Variants in SDHC observed in about 807,000 individuals in gnomAD.
SDHC encodes succinate dehydrogenase complex subunit C, also known as succinate dehydrogenase cytochrome b560 subunit, mitochondrial.
In SDHC, 11 loss-of-function variants were observed where a neutral mutation model predicts 22.6. The observed-to-expected ratio is 0.49, with a 90% confidence interval of 0.31 to 0.81. SDHC has a LOEUF of 0.81. Ranked by LOEUF, SDHC falls within the 30% of genes least tolerant of loss-of-function variation. The probability of loss-of-function intolerance (pLI) is 0.05; values close to 1 mark genes in which losing one functional copy is unlikely to be tolerated. For missense variants in SDHC, 160 were observed against 212.0 expected (o/e 0.75, Z 1.52); for synonymous variants, 80 against 77.8 (o/e 1.03, Z -0.15).
At chr1:161,318,189 A>T (rs956685082) in intron 1 of SDHC, among the ~76,000 whole-genome samples, 4 of 151,754 alleles carry the variant, frequency 2.6e-5, no homozygotes, top group African/African-American at 9.7e-5. Flanking sequence ...AAAAAATTGT[A>T]CTGTGTTATA....
rs541786455 is a variant in SDHC at position 161,342,783 on chromosome 1, C to T, written c.241+2128C>T. On this transcript the variant is annotated intron_variant, in intron 4 of 5. Transcript: ENST00000367975. Reference sequence around the variant, plus strand: ...GTGCTGGGGTTACAGGCGTGAGCCACTGTGCCTGGCCCCTTGGTATATCTT... The same window carrying T: ...GTGCTGGGGTTACAGGCGTGAGCCATTGTGCCTGGCCCCTTGGTATATCTT... Among the ~76,000 whole-genome samples, 4 of 152,306 alleles carry T rather than the reference C, an allele frequency of 2.6e-5. No homozygotes were observed. In the East Asian group the frequency reaches 7.7e-4, roughly 29 times the overall value.
chr1:161,326,208 A>T (rs1671039906), intron 2 of SDHC, among the ~76,000 whole-genome samples: 1 of 151,766 alleles, frequency 6.6e-6, no homozygotes, highest in Non-Finnish European at 1.5e-5. Context: ...CTCAAATTAA[A>T]AAAAAAAAAA....
chr1:161,317,550 G>GGTTT (rs1558161065), intron 1 of SDHC, among the ~76,000 whole-genome samples: 1 of 59,898 alleles, frequency 1.7e-5, no homozygotes, highest in African/African-American at 9.9e-5. Flanking sequence ...TGTGTGTGTG[G>GGTTT]TTTTTTTTTT....
chr1:161,335,904 T>G (rs1010069931), intron 3 of SDHC, among the ~76,000 whole-genome samples: 1 of 152,176 alleles, frequency 6.6e-6, no homozygotes, highest in Non-Finnish European at 1.5e-5. Flanking sequence ...TGAAGATAAG[T>G]CCCTGTAAAT....
intron 2 of SDHC, among the ~76,000 whole-genome samples, chr1:161,325,868 G>A (rs1671028402): frequency 6.6e-6 from 1 of 152,168 alleles, no homozygotes. Flanking sequence ...AAGAAGTTGT[G>A]CTTTCATTGC....
chr1:161,339,421 A>G (rs1174173536), intron 3 of SDHC: 12 of 278,836 alleles, frequency 4.3e-5, no homozygotes, highest in Non-Finnish European at 7.3e-5. Flanking sequence ...CCTGAACTCA[A>G]CGGCCCCCGC....
intron 1 of SDHC, among the ~76,000 whole-genome samples, chr1:161,321,115 G>A (rs1020712545): frequency 5.9e-5 from 9 of 152,236 alleles, no homozygotes; most frequent in Middle Eastern, 3.4e-3. Flanking sequence ...GTGAGCCATC[G>A]CGCCCGGCCC....
intron 1 of SDHC, 141 bp downstream of exon 1, chr1:161,314,566 C>T (rs1670530972): frequency 2.1e-6 from 2 of 960,140 alleles, no homozygotes; most frequent in Non-Finnish European, 3.3e-6. Context: ...GCTCGGGGAT[C>T]CTAGAGACCC....
intron 4 of SDHC, among the ~76,000 whole-genome samples, chr1:161,352,908 C>T (rs1421660848): frequency 1.3e-5 from 2 of 151,870 alleles, no homozygotes; most frequent in Admixed American, 6.6e-5. Context: ...ACCTGGGAGG[C>T]GGAGGTTGCA....
Position 161,340,675 on chromosome 1 carries a change from C to A in SDHC, c.241+20C>A, listed in dbSNP as rs777816269. The A allele has an allele frequency of 1.9e-6, 3 of 1,602,798 alleles. No homozygotes were observed. Among genetic ancestry groups the A allele is most frequent in the South Asian group, 1.1e-5 (1 of 90,884 alleles). On this transcript the variant is annotated intron_variant, in intron 4 of 5. Coordinates refer to ENST00000367975, the MANE Select transcript of SDHC (RefSeq NM_003001.5). ...GTGCAGGTATGTATATGTGTTTTTA[C>A]ACACACATATGTGCTTCTTTGAAAA...
chr1:161,328,221 C>T (rs538111497), intron 2 of SDHC, among the ~76,000 whole-genome samples, 175 bp from the exon 3 acceptor site: 34 of 152,140 alleles, frequency 2.2e-4, no homozygotes, highest in African/African-American at 7.7e-4. Flanking sequence ...AGGCTGGTCT[C>T]GAACTTGTGA....
chr1:161,333,983 A>C (rs1447980957), intron 3 of SDHC, among the ~76,000 whole-genome samples: 2 of 152,112 alleles, frequency 1.3e-5, no homozygotes, highest in African/African-American at 2.4e-5. Context: ...ATCTATACTA[A>C]TTTTCTATTT....
chr1:161,353,631 G>C (rs1002279161), intron 4 of SDHC, among the ~76,000 whole-genome samples: 3 of 152,050 alleles, frequency 2.0e-5, no homozygotes, highest in Non-Finnish European at 2.9e-5. Context: ...TTATTAGTTT[G>C]TTAGATCCAA....
chr1:161,326,725 A>C (rs1357291173), intron 2 of SDHC: 1 of 150,778 alleles, frequency 6.6e-6, no homozygotes, highest in Non-Finnish European at 1.5e-5. Context: ...TCCTGAGTTC[A>C]AGTGATTATC....
chr1:161,314,541 G>A (rs987429726), intron 1 of SDHC, 116 bp downstream of exon 1: 7 of 1,297,706 alleles, frequency 5.4e-6, no homozygotes, highest in Non-Finnish European at 7.7e-6. Flanking sequence ...GGACCCATGG[G>A]TGTGGAGGCC....
At chr1:161,343,032 A>G (rs1178144501) in intron 4 of SDHC, among the ~76,000 whole-genome samples, 1 of 152,250 alleles carries the variant, frequency 6.6e-6, no homozygotes, top group African/African-American at 2.4e-5. Flanking sequence ...TGTACAGAGT[A>G]GAGCAGATGG....
At chr1:161,342,565 ATGGCACAGCCT>A (rs1180052590) in intron 4 of SDHC, among the ~76,000 whole-genome samples, 1 of 150,886 alleles carries the variant, frequency 6.6e-6, no homozygotes, top group African/African-American at 2.4e-5. Flanking sequence ...CTGGAGTGCA[ATGGCACAGCCT>A]TGGCTCACTG....
At chr1:161,323,449 T>C (rs185100734) in intron 1 of SDHC, among the ~76,000 whole-genome samples, 165 bp from the exon 2 acceptor site, 1 of 152,334 alleles carries the variant, frequency 6.6e-6, no homozygotes, top group Admixed American at 6.5e-5. Flanking sequence ...TCAAGTTACT[T>C]GGAGTTGTAG....
intron 4 of SDHC, among the ~76,000 whole-genome samples, chr1:161,351,260 ATCT>A (rs1168894297): frequency 1.3e-5 from 2 of 152,138 alleles, no homozygotes; most frequent in Non-Finnish European, 2.9e-5. Context: ...TTTGCCATCT[ATCT>A]TCTATACTTT....
Sources: allele counts gnomAD v4.1 joint callset (sites outside exome capture counted in the v4.1 genomes callset), GRCh38; gene constraint gnomAD v4.1.1; transcripts MANE v1.5; gene names NCBI Gene and HGNC (gene_info 2026-07-23, HGNC 2026-07-21).